NDUFAF7: variants seen among roughly 807,000 people sequenced by gnomAD.
NDUFAF7 encodes the protein protein arginine methyltransferase NDUFAF7, mitochondrial.
NDUFAF7 carries 48 observed loss-of-function variants against 47.2 expected under a neutral mutation model. The observed-to-expected ratio is 1.02, with a 90% CI of 0.81 to 1.29. The LOEUF is 1.29. NDUFAF7 is among the 50% of genes most tolerant of loss of function. The probability of loss-of-function intolerance (pLI) is 0.00; values close to 1 mark genes in which losing one functional copy is unlikely to be tolerated. For missense variants in NDUFAF7, 635 were observed against 537.6 expected, an observed-to-expected ratio of 1.18 and a Z score of -1.79; for synonymous variants, 217 against 190.0, an observed-to-expected ratio of 1.14 and a Z score of -1.17.
chr2:37,248,119 ATTT>A lies in NDUFAF7; in HGVS notation c.1111-11_1111-9del, dbSNP rs1553360210. 6.3e-7 allele frequency: 1 copy of A among 1,594,452 alleles called. No homozygotes were observed. The highest frequency in any genetic ancestry group is 8.6e-7 in the Non-Finnish European group (1 of 1,163,628). On this transcript the variant is annotated splice_polypyrimidine_tract_variant and intron_variant, in intron 9 of 9. Coordinates refer to ENST00000002125, the MANE Select transcript of NDUFAF7 (RefSeq NM_144736.5). ...TGTCTTCTGGTTATTTTTGCTAAGAATTTTTTTCTTTTCAGGTTCTTTTAGATA... is the reference window on the plus strand; with the variant it reads ...TGTCTTCTGGTTATTTTTGCTAAGAATTTTCTTTTCAGGTTCTTTTAGATA...
At chr2:37,260,174 A>C in the NDUFAF7 span, 1 of 1,517,226 alleles carries the variant, frequency 6.6e-7, no homozygotes, top group Non-Finnish European at 9.0e-7. Context: ...TAAAAAAAAA[A>C]AAATTAGTTT....
rs1665142105 is a variant in NDUFAF7 at position 37,231,716 on chromosome 2, T to G, written c.11T>G (p.Leu4Arg). Residue 4 changes from leucine to arginine, a missense_variant, in exon 1 of 10, where the codon CTG (leucine) becomes CGG (arginine). Leu to Arg is a moderately radical substitution (Grantham distance 102). Transcript: ENST00000002125. MSV[L>R]LRSGLGPLCA... ...CCTGCGAATTTCAGCATGAGTGTACTGCTGAGGTCAGGTTTGGGGCCGTTG... is the reference window on the plus strand; with the variant it reads ...CCTGCGAATTTCAGCATGAGTGTACGGCTGAGGTCAGGTTTGGGGCCGTTG... 5 of 1,614,108 alleles carry G rather than the reference T, an allele frequency of 3.1e-6. No homozygotes were observed. The South Asian group carries it at 4.4e-5, about 14-fold the overall frequency.
chr2:37,232,776 C>T (rs80097419), intron 2 of NDUFAF7, among the ~76,000 whole-genome samples: 3,399 of 152,302 alleles, frequency 0.022, 57 homozygotes, highest in Middle Eastern at 0.034. Context: ...GTTGAGAATG[C>T]AGTCTGGGTC....
chr2:37,253,306 A>G, downstream of NDUFAF7: 1 of 1,613,158 alleles, frequency 6.2e-7, no homozygotes. Context: ...AACGTTCTCC[A>G]ATGCGAGTTT....
At chr2:37,252,932 AC>A (rs1479188499), downstream of NDUFAF7, 1 of 290,786 alleles carries the variant, frequency 3.4e-6, no homozygotes, top group African/African-American at 2.2e-5. Context: ...AAAATACAAA[AC>A]CAGTTATTGC....
intron 4 of NDUFAF7, 54 bp downstream of exon 4, chr2:37,237,921 T>G: frequency 8.1e-7 from 1 of 1,230,530 alleles, no homozygotes; most frequent in Non-Finnish European, 1.2e-6. Flanking sequence ...TTAGTACTTC[T>G]GAGTGTGCAA....
intron 4 of NDUFAF7, 62 bp from the exon 5 acceptor site, chr2:37,241,516 T>C (rs565020375): frequency 1.7e-5 from 23 of 1,328,600 alleles, no homozygotes; most frequent in Non-Finnish European, 2.4e-5. Context: ...TTGATGTAAA[T>C]GATTAGGAAA....
rs377122834 is a variant in NDUFAF7, at chr2:37,241,778, C to T, written c.609C>T (p.His203=). 26 of 1,613,224 alleles carry T rather than the reference C, an allele frequency of 1.6e-5. No individual in the cohort carries two copies. Among genetic ancestry groups the T allele is most frequent in the Admixed American group, 3.3e-5 (2 of 59,980 alleles). The change falls in exon 5 of 10, where the codon CAC becomes CAT. Residue 203 remains histidine (H), a synonymous_variant. Coordinates refer to ENST00000002125, the MANE Select transcript of NDUFAF7 (RefSeq NM_144736.5). ...GIPISWYRDL[H]DVPKGYSFYL... is the part of the protein sequence containing the mutation. The stretch of plus-strand genomic sequence containing the variant: ...CAATTTCCTGGTACCGAGATCTGCA[C>T]GATGTTCCAAAAGGTAATTACCTTT...
the NDUFAF7 span, chr2:37,268,482 C>G: frequency 2.6e-6 from 1 of 379,610 alleles, no homozygotes; most frequent in Non-Finnish European, 5.2e-6. Flanking sequence ...AAGATCCAGA[C>G]ATCTCACAGC....
chr2:37,267,475 G>A, the NDUFAF7 span: 2 of 1,610,260 alleles, frequency 1.2e-6, no homozygotes, highest in Non-Finnish European at 8.5e-7. Flanking sequence ...CTTGTTTTGT[G>A]GGGAATCTCA....
At chr2:37,243,711 G>A in intron 6 of NDUFAF7, 152 bp from the exon 7 acceptor site, 2 of 651,150 alleles carry the variant, frequency 3.1e-6, no homozygotes, top group Non-Finnish European at 5.5e-6. Context: ...TTGTTCAAAG[G>A]CAATGAAGTA....
At chr2:37,244,115 A>G in intron 7 of NDUFAF7, 142 bp downstream of exon 7, 1 of 727,666 alleles carries the variant, frequency 1.4e-6, no homozygotes, top group Non-Finnish European at 2.3e-6. Context: ...ATTGACAGTG[A>G]AAGTGCAGAG....
intron 4 of NDUFAF7, among the ~76,000 whole-genome samples, chr2:37,238,436 C>T (rs1043727991): frequency 1.3e-5 from 2 of 149,792 alleles, no homozygotes; most frequent in Admixed American, 6.7e-5. Flanking sequence ...GGTGACAGAG[C>T]GAGACTCCGT....
At chr2:37,267,363 GA>G in the NDUFAF7 span, 4 of 867,496 alleles carry the variant, frequency 4.6e-6, no homozygotes, top group East Asian at 9.2e-5. Context: ...AAAAAAAAAA[GA>G]GAAGCAGTTA....
At chr2:37,232,293 G>A in intron 2 of NDUFAF7, 27 bp downstream of exon 2, 1 of 1,612,072 alleles carries the variant, frequency 6.2e-7, no homozygotes, top group African/African-American at 1.3e-5. Context: ...CCGAGGACTA[G>A]GCCCTCTCTA....
chr2:37,236,631 A>C lies in NDUFAF7; in HGVS notation c.297+455A>C, dbSNP rs1572535118. Among the ~76,000 whole-genome samples, 5 of 152,006 alleles carry C rather than the reference A, an allele frequency of 3.3e-5. No individual in the cohort carries two copies. The East Asian group carries it at 9.8e-4, about 30-fold the overall frequency. On this transcript the variant is annotated intron_variant, in intron 3 of 9. Transcript: ENST00000002125. ...CTCTACTAAAAAAAAAATACAAAAA[A>C]TTAGCCGAGCGTGGTGGCGGTCGCC...
chr2:37,259,812 C>A, the NDUFAF7 span: 1 of 635,116 alleles, frequency 1.6e-6, no homozygotes, highest in Non-Finnish European at 2.7e-6. Context: ...TGTTATTCTG[C>A]TCCTTAAGGT....
At chr2:37,235,639 C>CTTATTTATTTATTTAT (rs57466107) in intron 2 of NDUFAF7, among the ~76,000 whole-genome samples, 3,845 of 149,838 alleles carry the variant, frequency 0.026, 194 homozygotes, top group East Asian at 0.17. Context: ...ATTTCCCTTG[C>CTTATTTATTTATTTAT]TTATTTATTT....
downstream of NDUFAF7, among the ~76,000 whole-genome samples, chr2:37,258,316 T>C (rs749776899): frequency 6.6e-6 from 1 of 152,208 alleles, no homozygotes; most frequent in Non-Finnish European, 1.5e-5. Context: ...TCGATTTCAG[T>C]GTCTTTGAAG....
Sources: gnomAD v4.1 joint callset for allele counts (sites outside exome capture counted in the v4.1 genomes callset) on GRCh38, gnomAD v4.1.1 for gene constraint, MANE v1.5 for transcripts, NCBI Gene and HGNC (gene_info 2026-07-23, HGNC 2026-07-21) for gene names.